Variants in GPC6 observed in about 807,000 individuals in gnomAD.
GPC6 encodes glypican 6, also known as glypican-6.
In GPC6, 14 loss-of-function variants were observed where a neutral mutation model predicts 55.2. The observed-to-expected ratio is 0.25, with a 90% CI of 0.17 to 0.40. The LOEUF is 0.40. Among genes scored for constraint, GPC6 ranks in the 10% least tolerant of loss-of-function variants. The probability of loss-of-function intolerance (pLI) is 1.00; values close to 1 mark genes in which losing one functional copy is unlikely to be tolerated. For synonymous variants in GPC6, 278 were observed against 259.6 expected (o/e 1.07, Z -0.68); for missense variants, 641 against 708.5 (o/e 0.90, Z 1.08).
intron 2 of GPC6, among the ~76,000 whole-genome samples, chr13:93,814,448 AT>A (rs368352206): frequency 7.2e-5 from 11 of 152,184 alleles, no homozygotes; most frequent in African/African-American, 1.9e-4. Flanking sequence ...GTCAGCCTTG[AT>A]TTGTCTCTTG....
chr13:93,629,073 C>T (rs1879325939), intron 2 of GPC6, among the ~76,000 whole-genome samples: 1 of 149,486 alleles, frequency 6.7e-6, no homozygotes, highest in Non-Finnish European at 1.5e-5. Flanking sequence ...TTTTAAAAGT[C>T]ATTAGTATTT....
chr13:93,464,925 T>C (rs1026554181), intron 1 of GPC6, among the ~76,000 whole-genome samples: 19 of 152,192 alleles, frequency 1.2e-4, no homozygotes, highest in Non-Finnish European at 2.5e-4. Context: ...AGAATGGATA[T>C]TGTGTTAGCA....
intron 1 of GPC6, among the ~76,000 whole-genome samples, chr13:93,383,271 G>C (rs1054234703): frequency 6.6e-6 from 1 of 152,142 alleles, no homozygotes; most frequent in African/African-American, 2.4e-5. Flanking sequence ...GAATGCAGTG[G>C]TGCAAACATG....
At chr13:94,027,649 A>G in intron 3 of GPC6, 80 bp from the exon 4 acceptor site, 1 of 1,203,778 alleles carries the variant, frequency 8.3e-7, no homozygotes, top group South Asian at 1.2e-5. Context: ...CTTGTGGTTT[A>G]TCACTGCTAT....
chr13:93,475,500 C>T lies in GPC6; in HGVS notation c.161-69763C>T, dbSNP rs552378534. Among the ~76,000 whole-genome samples, 22 of 152,226 alleles carry T rather than the reference C, an allele frequency of 1.4e-4. No homozygotes were observed. The South Asian group carries it at 4.6e-3, about 32-fold the overall frequency. On this transcript the variant is annotated intron_variant, in intron 1 of 8. Coordinates refer to ENST00000377047, the MANE Select transcript of GPC6 (RefSeq NM_005708.5). ...TAGAAAATAATAAAACTTTCTATAT[C>T]TGAAACTGTATACAGGTGATGAGCT...
At chr13:93,476,848 A>G (rs1879320159) in intron 1 of GPC6, among the ~76,000 whole-genome samples, 1 of 152,190 alleles carries the variant, frequency 6.6e-6, no homozygotes, top group Non-Finnish European at 1.5e-5. Flanking sequence ...GCTATGTACA[A>G]ATATTAATAT....
intron 1 of GPC6, among the ~76,000 whole-genome samples, chr13:93,448,024 C>T (rs993297231): frequency 1.3e-5 from 2 of 152,096 alleles, no homozygotes; most frequent in Non-Finnish European, 2.9e-5. Context: ...GCACATAGGG[C>T]CAAGGAAACC....
intron 1 of GPC6, among the ~76,000 whole-genome samples, chr13:93,500,975 C>G (rs1187147815): frequency 6.6e-6 from 1 of 152,134 alleles, no homozygotes. Context: ...GTTGTGTTAA[C>G]AAGAACTTTT....
At chr13:93,596,572 A>G (rs1043808543) in intron 2 of GPC6, among the ~76,000 whole-genome samples, 4 of 149,838 alleles carry the variant, frequency 2.7e-5, no homozygotes, top group African/African-American at 9.8e-5. Context: ...CCAGGGGAAC[A>G]GAACCAAAAG....
rs140641447 is a variant in GPC6 at position 94,184,474 on chromosome 13, A to G, written c.878-101875A>G. ...ACAAATAACCCCATTAAAAAAATGG[A>G]CAAAGGACATAACAGATACTTCTCA... On this transcript the variant is annotated intron_variant, in intron 4 of 8. Coordinates refer to ENST00000377047, the MANE Select transcript of GPC6 (RefSeq NM_005708.5). Among the ~76,000 whole-genome samples, 40 of 152,264 alleles carry G rather than the reference A, an allele frequency of 2.6e-4. 1 individual carries two copies. The highest frequency in any genetic ancestry group is 9.6e-4 in the African/African-American group (40 of 41,554).
intron 2 of GPC6, among the ~76,000 whole-genome samples, chr13:93,640,845 T>TTCCC (rs1297005139): frequency 6.8e-6 from 1 of 147,010 alleles, no homozygotes; most frequent in African/African-American, 2.5e-5. Flanking sequence ...CCTTCCTTCC[T>TTCCC]TCCTTCCTAC....
At chr13:94,305,889 T>A in intron 5 of GPC6, 91 bp from the exon 6 acceptor site, 2 of 1,189,468 alleles carry the variant, frequency 1.7e-6, no homozygotes, top group Non-Finnish European at 2.5e-6. Flanking sequence ...TCATAAGAAA[T>A]GTGGACACCA....
intron 2 of GPC6, among the ~76,000 whole-genome samples, chr13:93,706,210 A>T (rs1179125284): frequency 6.6e-6 from 1 of 151,912 alleles, no homozygotes; most frequent in Non-Finnish European, 1.5e-5. Flanking sequence ...AAGAAATACT[A>T]TTCAAAAATG....
chr13:93,574,094 G>A (rs1247188900), intron 2 of GPC6, among the ~76,000 whole-genome samples: 1 of 152,042 alleles, frequency 6.6e-6, no homozygotes, highest in African/African-American at 2.4e-5. Context: ...TTTTGTGTAA[G>A]AGTTTTATTT....
intron 6 of GPC6, among the ~76,000 whole-genome samples, chr13:94,372,028 T>A (rs1879567615): frequency 6.6e-6 from 1 of 152,126 alleles, no homozygotes; most frequent in Non-Finnish European, 1.5e-5. Flanking sequence ...GGAGTCAGTT[T>A]CTCTTCCTTC....
chr13:93,655,786 A>G (rs1880635849), intron 2 of GPC6, among the ~76,000 whole-genome samples: 1 of 152,196 alleles, frequency 6.6e-6, no homozygotes, highest in African/African-American at 2.4e-5. Flanking sequence ...ACATATAACA[A>G]CAATGAAATA....
chr13:94,181,764 A>G (rs1889007170), intron 4 of GPC6, among the ~76,000 whole-genome samples: 1 of 152,206 alleles, frequency 6.6e-6, no homozygotes. Flanking sequence ...TAGTGAGACA[A>G]TTGTTTAAAT....
At chr13:93,426,686 C>T (rs1159225999) in intron 1 of GPC6, among the ~76,000 whole-genome samples, 426 of 152,044 alleles carry the variant, frequency 2.8e-3, no homozygotes, top group African/African-American at 9.4e-3. Flanking sequence ...TGAATAGTGC[C>T]GCAATAAACA....
intron 4 of GPC6, among the ~76,000 whole-genome samples, chr13:94,223,916 G>A (rs569185084): frequency 6.6e-6 from 1 of 152,256 alleles, no homozygotes; most frequent in Admixed American, 6.5e-5. Flanking sequence ...TGCTAGACAT[G>A]CATGTTTCAG....
Sources: allele counts gnomAD v4.1 joint callset (sites outside exome capture counted in the v4.1 genomes callset), GRCh38; gene constraint gnomAD v4.1.1; transcripts MANE v1.5; gene names NCBI Gene and HGNC (gene_info 2026-07-23, HGNC 2026-07-21).